The following STKLD1 variants were observed in gnomAD, a reference collection of about 807,000 sequenced individuals.
STKLD1 encodes serine/threonine kinase-like domain-containing protein STKLD1.
STKLD1 carries 79 observed loss-of-function variants against 80.4 expected under a neutral mutation model. The ratio of observed to expected loss-of-function variants is 0.98; its 90% CI spans 0.82 to 1.19. The LOEUF is 1.19. STKLD1 is among the 50% of genes most tolerant of loss of function. The pLI is 0.00. For missense variants in STKLD1, 841 were observed against 856.0 expected (o/e 0.98, Z 0.22); for synonymous variants, 393 against 357.6 (o/e 1.10, Z -1.12).
chr9:133,383,962 T>G, intron 3 of STKLD1, 62 bp downstream of exon 3: 1 of 1,474,276 alleles, frequency 6.8e-7, no homozygotes, highest in South Asian at 1.1e-5. Flanking sequence ...GACTGTGTTC[T>G]GTACCTTCTT....
At chr9:133,379,447 C>T (rs1838081767) in intron 2 of STKLD1, among the ~76,000 whole-genome samples, 1 of 152,234 alleles carries the variant, frequency 6.6e-6, no homozygotes, top group Non-Finnish European at 1.5e-5. Context: ...TAGCCAAAGA[C>T]AGTGAGGCTC....
At chr9:133,398,185 C>A in intron 11 of STKLD1, 130 bp downstream of exon 11, 1 of 738,704 alleles carries the variant, frequency 1.4e-6, no homozygotes, top group East Asian at 2.8e-5. Flanking sequence ...AGCGTGGAGG[C>A]GTGCATGTGT....
At chr9:133,378,357 C>G (rs115998234) in intron 1 of STKLD1, among the ~76,000 whole-genome samples, 2 of 152,184 alleles carry the variant, frequency 1.3e-5, no homozygotes, top group Non-Finnish European at 2.9e-5. Context: ...CAGCAATCCC[C>G]GGCCCAGCCC....
chr9:133,376,490 C>T lies in STKLD1; in HGVS notation c.17C>T (p.Ser6Phe). The change falls in exon 1 of 18, where the codon TCC becomes TTC. Residue 6 changes from serine (S) to phenylalanine (F), a missense_variant. Transcript: ENST00000371957. ...CTACTGATCATGCTTGGGCCAGGGT[C>T]CAATCGCAGGCGCCCCACGCAGGGG... The part of the protein sequence containing the change: MLGPG[S>F]NRRRPTQGER... 1.3e-6 allele frequency: 2 copies of T among 1,594,706 alleles called. No homozygotes were observed. The highest frequency in any genetic ancestry group is 1.7e-6 in the Non-Finnish European group (2 of 1,172,514).
intron 16 of STKLD1, 146 bp downstream of exon 16, chr9:133,404,194 G>T: frequency 9.4e-7 from 1 of 1,062,784 alleles, no homozygotes; most frequent in Non-Finnish European, 1.3e-6. Flanking sequence ...CTGAAGTCCA[G>T]TCATCCAGAA....
At position 133,403,774 on chromosome 9, in the gene STKLD1, G is replaced by A. The variant is rs1554778151; in HGVS notation, c.1549G>A (p.Asp517Asn). Residue 517 changes from aspartate to asparagine, a missense_variant, in exon 15 of 18, where the codon GAT becomes AAT. By Grantham distance (23) the Asp-to-Asn change is conservative. Coordinates refer to ENST00000371957, the MANE Select transcript of STKLD1 (RefSeq NM_153710.5). The stretch of plus-strand genomic sequence containing the variant: ...CCAGGTGTTGGCCACCTACCCTGCG[G>A]ATGGGGAAATGGCAGAAGCCAGCTG... ...ISQVLATYPA[D>N]GEMAEASCGV... 1.9e-6 allele frequency: 3 copies of A among 1,613,676 alleles called. No homozygotes were observed. The highest frequency in any genetic ancestry group is 2.7e-5 in the African/African-American group (2 of 74,952).
intron 1 of STKLD1, among the ~76,000 whole-genome samples, chr9:133,377,871 G>T (rs2130255806): frequency 6.6e-6 from 1 of 152,134 alleles, no homozygotes; most frequent in African/African-American, 2.4e-5. Flanking sequence ...ATCAGTGGGA[G>T]CCCTGAGCTT....
chr9:133,403,521 G>T (rs1838762632), intron 14 of STKLD1, among the ~76,000 whole-genome samples, 179 bp from the exon 15 acceptor site: 1 of 152,178 alleles, frequency 6.6e-6, no homozygotes, highest in Non-Finnish European at 1.5e-5. Context: ...CCAAAGTGTG[G>T]GATTCTCCAA....
In STKLD1 at chr9:133,405,739, C is replaced by A; in HGVS notation, c.*318C>A. On this transcript the variant is annotated 3_prime_UTR_variant, in exon 18 of 18. Transcript: ENST00000371957. Reference sequence around the variant, plus strand: ...CCCACTGGGTGGGGAAGCAGCTCAGCCCTGATGCGGGGGAGAAGACAGATA... The same window carrying A: ...CCCACTGGGTGGGGAAGCAGCTCAGACCTGATGCGGGGGAGAAGACAGATA... The A allele has an allele frequency of 8.3e-6, 2 of 239,578 alleles. No homozygotes were observed. The highest frequency in any genetic ancestry group is 1.6e-5 in the Non-Finnish European group (2 of 123,062). 14.8% of individuals were successfully genotyped at this position (239,578 alleles called of 1,614,324 possible). A position where few individuals can be genotyped will look rare whatever the true frequency, so the allele number is the denominator to read the frequency against.
In STKLD1 at chr9:133,395,686, G is replaced by A. The variant is rs1564381649; in HGVS notation, c.789G>A (p.Gln263=). 1 of 1,613,504 alleles carries A rather than the reference G, an allele frequency of 6.2e-7. No individual in the cohort carries two copies. Among genetic ancestry groups the A allele is most frequent in the Non-Finnish European group, 8.5e-7 (1 of 1,180,028 alleles). Reference sequence around the variant, plus strand: ...TCCTGAAGACAATGGAGGAGAAGCAGATCCCGGATGTGGAAACCTTCAGGA... The same window carrying A: ...TCCTGAAGACAATGGAGGAGAAGCAAATCCCGGATGTGGAAACCTTCAGGA... The part of the protein sequence containing the change: ...KAVLKTMEEK[Q]IPDVETFRNL... Residue 263 remains glutamine (Q), a synonymous_variant, in exon 9 of 18, where the codon CAG becomes CAA. Coordinates refer to ENST00000371957, the MANE Select transcript of STKLD1 (RefSeq NM_153710.5).
chr9:133,382,865 T>TG (rs1838172832), intron 2 of STKLD1, among the ~76,000 whole-genome samples: 7 of 142,226 alleles, frequency 4.9e-5, no homozygotes, highest in African/African-American at 1.9e-4. Context: ...ATGGTGGTGG[T>TG]GTGATGGTGA....
At position 133,376,484 on chromosome 9, in the gene STKLD1, C is replaced by G. The variant is rs2130248373; in HGVS notation, c.11C>G (p.Pro4Arg). Residue 4 changes from proline to arginine, a missense_variant, in exon 1 of 18, where the codon CCA becomes CGA. Physicochemically the swap from Pro to Arg is moderately radical, Grantham distance 103. Transcript: ENST00000371957. ...CGGTCGCTACTGATCATGCTTGGGC[C>G]AGGGTCCAATCGCAGGCGCCCCACG... MLG[P>R]GSNRRRPTQG... The G allele has an allele frequency of 1.3e-6, 2 of 1,592,478 alleles. No homozygotes were observed. The highest frequency in any genetic ancestry group is 1.1e-5 in the South Asian group (1 of 87,638).
intron 2 of STKLD1, among the ~76,000 whole-genome samples, 153 bp downstream of exon 2, chr9:133,379,275 T>C (rs2130260287): frequency 6.6e-6 from 1 of 152,326 alleles, no homozygotes; most frequent in East Asian, 1.9e-4. Context: ...TTGGGGTAGA[T>C]GTGGGGGTGC....
At chr9:133,397,141 A>G (rs1554776824) in intron 9 of STKLD1, 23 bp from the exon 10 acceptor site, 1 of 1,613,332 alleles carries the variant, frequency 6.2e-7, no homozygotes, top group East Asian at 2.2e-5. Context: ...TGGGTTACTC[A>G]GCCCTCTCTG....
At position 133,385,221 on chromosome 9, in the gene STKLD1, C is replaced by G. The variant is rs1838237293; in HGVS notation, c.220-396C>G. ...TGTTTCAAAGCACTTTCCGCCAGGG[C>G]AGGGGCACCGGGACCTCTCCGTGTG... On this transcript the variant is annotated intron_variant, in intron 3 of 17. Coordinates refer to ENST00000371957, the MANE Select transcript of STKLD1 (RefSeq NM_153710.5). This position sits in a 1 kb window ranked among gnomAD's most constrained non-coding sequence, Gnocchi z 4.9. 6.6e-6 allele frequency among the ~76,000 whole-genome samples: 1 copy of G among 152,216 alleles called. No homozygotes were observed. Among genetic ancestry groups the G allele is most frequent in the African/African-American group, 2.4e-5 (1 of 41,454 alleles).
rs1175884195 is a variant in STKLD1 at position 133,394,093 on chromosome 9, C to T, written c.584-198C>T. 3 of 611,978 alleles carry T rather than the reference C, an allele frequency of 4.9e-6. No individual in the cohort carries two copies. The highest frequency in any genetic ancestry group is 4.6e-4 in the Middle Eastern group (1 of 2,192). The allele number at this position is 611,978 out of a possible 1,614,324, so 37.9% of individuals were successfully genotyped here. ...TCAGTGGCTCCAGATCAACACAAAG[C>T]TCCCGCTGATTGGGGCCTCTTCCTC... On this transcript the variant is annotated intron_variant, in intron 7 of 17. Transcript: ENST00000371957. The surrounding 1 kb of genome is among the most constrained non-coding windows in gnomAD (Gnocchi z 4.9).
At chr9:133,395,514 T>C in intron 8 of STKLD1, 86 bp from the exon 9 acceptor site, 2 of 1,444,890 alleles carry the variant, frequency 1.4e-6, no homozygotes, top group Non-Finnish European at 1.9e-6. Context: ...CCTGGATTTC[T>C]TGGTCCCTGG....
intron 13 of STKLD1, 127 bp downstream of exon 13, chr9:133,402,005 A>C: frequency 2.5e-6 from 3 of 1,189,208 alleles, no homozygotes; most frequent in Non-Finnish European, 1.1e-6. Context: ...CCTGAGATAC[A>C]TGGTGGCATT....
rs2130287430 is a variant in STKLD1, at chr9:133,390,799, G to A, written c.583+3G>A. On this transcript the variant is annotated splice_donor_region_variant and intron_variant, in intron 7 of 17. Coordinates refer to ENST00000371957, the MANE Select transcript of STKLD1 (RefSeq NM_153710.5). The surrounding 1 kb of genome is among the most constrained non-coding windows in gnomAD (Gnocchi z 5.1). ...ATGGAATATTCGTGCGGAGGAAGGT[G>A]GCAGGGGCTCCCCCAGGTTGTGGGA... 6.2e-7 allele frequency: 1 copy of A among 1,611,396 alleles called. No homozygotes were observed. The highest frequency in any genetic ancestry group is 8.5e-7 in the Non-Finnish European group (1 of 1,178,226).
Sources: gnomAD v4.1 joint callset for allele counts (sites outside exome capture counted in the v4.1 genomes callset) on GRCh38, gnomAD v4.1.1 for gene constraint, Gnocchi (gnomAD v3.1) non-coding constraint, MANE v1.5 for transcripts, NCBI Gene and HGNC (gene_info 2026-07-23, HGNC 2026-07-21) for gene names.